The following FRY variants were observed in gnomAD, a reference collection of about 807,000 sequenced individuals.
FRY encodes protein furry homolog.
In FRY, 128 loss-of-function variants were observed where a neutral mutation model predicts 348.4. The ratio of observed to expected loss-of-function variants is 0.37; its 90% CI spans 0.32 to 0.43. The LOEUF is 0.43. Ranked by LOEUF, FRY falls within the 20% of genes least tolerant of loss-of-function variation. The probability of loss-of-function intolerance (pLI) is 1.00; values close to 1 mark genes in which losing one functional copy is unlikely to be tolerated. For synonymous variants in FRY, 1,370 were observed against 1,374.7 expected (o/e 1.00, Z 0.08); for missense variants, 2,736 against 3,695.2 (o/e 0.74, Z 6.73).
chr13:32,115,353 G>A (rs201285609), intron 3 of FRY, among the ~76,000 whole-genome samples: 5 of 152,018 alleles, frequency 3.3e-5, no homozygotes, highest in Admixed American at 6.6e-5. Context: ...TTCTCAGGCC[G>A]AGATCACAGA....
In FRY at chr13:32,147,931, T is replaced by G. The variant is rs376738902; in HGVS notation, c.1376T>G (p.Ile459Ser). ...DMPLNIFVKI[I>S]QFIAQERLDF... The stretch of plus-strand genomic sequence containing the variant: ...CCTCTGAACATCTTTGTGAAAATCA[T>G]CCAGTTCATTGCCCAGGTAATGGAG... Residue 459 changes from isoleucine to serine, a missense_variant, in exon 13 of 61, where the codon ATC becomes AGC. Ile to Ser is a moderately radical substitution (Grantham distance 142, BLOSUM62 -2). Transcript: ENST00000542859. The G allele has an allele frequency of 2.5e-6, 4 of 1,587,248 alleles. No homozygotes were observed. The highest frequency in any genetic ancestry group is 3.5e-6 in the Non-Finnish European group (4 of 1,155,376).
At chr13:32,153,787 A>G (rs1880941962) in intron 14 of FRY, among the ~76,000 whole-genome samples, 1 of 152,202 alleles carries the variant, frequency 6.6e-6, no homozygotes, top group South Asian at 2.1e-4. Flanking sequence ...CATTCTCACA[A>G]TAGCCCTATA....
chr13:32,209,339 GA>G (rs1295002867), intron 32 of FRY, among the ~76,000 whole-genome samples: 2 of 152,084 alleles, frequency 1.3e-5, no homozygotes, highest in African/African-American at 4.8e-5. Context: ...GCAATTTTAA[GA>G]ATGATAATAA....
chr13:32,244,975 C>G (rs1383878230), intron 47 of FRY, among the ~76,000 whole-genome samples: 4 of 151,776 alleles, frequency 2.6e-5, no homozygotes, highest in African/African-American at 9.7e-5. Context: ...TTTTTCAAAA[C>G]TGAGTCTCGC....
intron 58 of FRY, among the ~76,000 whole-genome samples, chr13:32,283,904 A>T (rs1320532232): frequency 6.6e-6 from 1 of 152,230 alleles, no homozygotes; most frequent in East Asian, 1.9e-4. Context: ...TTTGGTTTCC[A>T]CCAACCTCTC....
chr13:32,111,479 G>C (rs1006011226), intron 3 of FRY, among the ~76,000 whole-genome samples: 4 of 152,170 alleles, frequency 2.6e-5, no homozygotes, highest in Non-Finnish European at 5.9e-5. Context: ...CTGGGCAACA[G>C]AGTGAGACTC....
intron 7 of FRY, among the ~76,000 whole-genome samples, chr13:32,129,930 C>G (rs1482002304): frequency 6.6e-6 from 1 of 152,044 alleles, no homozygotes; most frequent in East Asian, 1.9e-4. Context: ...AACAATGTCT[C>G]TATGTTTACT....
chr13:32,205,919 C>A (rs977458127), intron 31 of FRY, among the ~76,000 whole-genome samples: 15 of 151,506 alleles, frequency 9.9e-5, no homozygotes, highest in African/African-American at 3.4e-4. Context: ...AGGGGAGAAA[C>A]CAGAGCGAAA....
At position 32,224,369 on chromosome 13, in the gene FRY, C is replaced by T. The variant is rs376003651; in HGVS notation, c.4900C>T (p.Arg1634Trp). 4.3e-6 allele frequency: 7 copies of T among 1,613,960 alleles called. No individual in the cohort carries two copies. Among genetic ancestry groups the T allele is most frequent in the East Asian group, 2.2e-5 (1 of 44,850 alleles). Residue 1634 changes from arginine to tryptophan, a missense_variant, in exon 37 of 61, where the codon CGG (arginine) becomes TGG (tryptophan). Arg to Trp is a moderately radical substitution (Grantham distance 101). Around this residue, in one of 9 missense-constraint regions of FRY, gnomAD observed 794 missense variants for 977.0 expected, o/e 0.81. Transcript: ENST00000542859. ...CTATCTCCCGGAGACCATCACTCCC[C>T]GGGGGCCACTCCACAGGTGAGCAGC... ...VDYLPETITP[R>W]GPLHRCNIAV... is the part of the protein sequence containing the mutation.
intron 20 of FRY, among the ~76,000 whole-genome samples, chr13:32,177,096 T>G (rs1252902578): frequency 6.6e-6 from 1 of 152,212 alleles, no homozygotes; most frequent in Non-Finnish European, 1.5e-5. Context: ...TTCATCATTT[T>G]ACATGCCTAA....
intron 41 of FRY, among the ~76,000 whole-genome samples, chr13:32,233,728 T>C (rs1409975140): frequency 6.6e-6 from 1 of 152,206 alleles, no homozygotes; most frequent in Admixed American, 6.5e-5. Context: ...TACAGAAGAA[T>C]AATATGTGAA....
chr13:32,218,854 C>T, intron 36 of FRY, 23 bp downstream of exon 36: 13 of 1,377,878 alleles, frequency 9.4e-6, no homozygotes, highest in Non-Finnish European at 1.3e-5. Context: ...AGGCTGTGGG[C>T]TTTCAGACGG....
intron 29 of FRY, among the ~76,000 whole-genome samples, chr13:32,195,622 A>T (rs969512238): frequency 8.5e-5 from 13 of 152,208 alleles, no homozygotes; most frequent in Non-Finnish European, 1.8e-4. Flanking sequence ...ATTACACTGC[A>T]TTTCTCTGAA....
chr13:32,188,013 A>G (rs1883123700), intron 28 of FRY, among the ~76,000 whole-genome samples: 1 of 152,156 alleles, frequency 6.6e-6, no homozygotes, highest in South Asian at 2.1e-4. Context: ...ATAAATTACT[A>G]TGGAAACTGG....
At chr13:32,104,093 C>T (rs554026774) in intron 3 of FRY, among the ~76,000 whole-genome samples, 1 of 152,264 alleles carries the variant, frequency 6.6e-6, no homozygotes, top group Admixed American at 6.5e-5. Flanking sequence ...GCTTAATGTA[C>T]CTCTCTTTAT....
At position 32,124,625 on chromosome 13, in the gene FRY, C is replaced by A. The variant is rs1249256594; in HGVS notation, c.579C>A (p.Asp193Glu). ...LKQIPLHPVI[D>E]SLIHDVINLA... is the part of the protein sequence containing the mutation. Reference sequence around the variant, plus strand: ...AGATTCCACTTCATCCTGTAATAGACAGTTTAATACATGATGTTATTAACT... The same window carrying A: ...AGATTCCACTTCATCCTGTAATAGAAAGTTTAATACATGATGTTATTAACT... The change falls in exon 6 of 61, where the codon GAC becomes GAA. Residue 193 changes from aspartate (D) to glutamate (E), a missense_variant. Asp to Glu is a conservative substitution (Grantham distance 45, BLOSUM62 2). Transcript: ENST00000542859. The A allele has an allele frequency of 1.3e-6, 2 of 1,592,560 alleles. No individual in the cohort carries two copies. Among genetic ancestry groups the A allele is most frequent in the Non-Finnish European group, 1.7e-6 (2 of 1,160,924 alleles).
At chr13:32,077,975 T>TA (rs1238425697) in intron 1 of FRY, among the ~76,000 whole-genome samples, 1 of 152,232 alleles carries the variant, frequency 6.6e-6, no homozygotes, top group Non-Finnish European at 1.5e-5. Flanking sequence ...CTGACCATCT[T>TA]ACAAGGGCTT....
At chr13:32,175,120 A>G (rs903372764) in intron 19 of FRY, among the ~76,000 whole-genome samples, 4 of 152,204 alleles carry the variant, frequency 2.6e-5, no homozygotes, top group African/African-American at 9.6e-5. Flanking sequence ...GTCACAGTAA[A>G]CAATTTATCA....
intron 59 of FRY, among the ~76,000 whole-genome samples, chr13:32,290,592 C>T (rs187376409): frequency 5.3e-5 from 8 of 152,186 alleles, no homozygotes; most frequent in East Asian, 3.9e-4. Flanking sequence ...GGGGTAAAGG[C>T]GAGATCATAA....
Sources: gnomAD v4.1 joint callset for allele counts (sites outside exome capture counted in the v4.1 genomes callset) on GRCh38, gnomAD v4.1.1 for gene constraint, gnomAD v4.1.1 regional missense constraint, MANE v1.5 for transcripts, NCBI Gene and HGNC (gene_info 2026-07-23, HGNC 2026-07-21) for gene names.